GRM8: variants seen among roughly 807,000 people sequenced by gnomAD.
GRM8 encodes the protein metabotropic glutamate receptor 8.
In GRM8, 47 loss-of-function variants were observed where a neutral mutation model predicts 87.2. That is an observed-to-expected ratio of 0.54 (90% CI 0.43 to 0.69). The LOEUF is 0.69. Ranked by LOEUF, GRM8 falls within the 30% of genes least tolerant of loss-of-function variation. The pLI, the probability that GRM8 is intolerant of heterozygous loss-of-function variation, is 0.00. For missense variants in GRM8, 1,019 were observed against 1,139.2 expected (o/e 0.89, Z 1.52); for synonymous variants, 396 against 404.5 (o/e 0.98, Z 0.25).
At chr7:126,605,237 C>A (rs1261692895) in intron 8 of GRM8, among the ~76,000 whole-genome samples, 1 of 152,064 alleles carries the variant, frequency 6.6e-6, no homozygotes, top group Non-Finnish European at 1.5e-5. Flanking sequence ...TAATAAGGAC[C>A]ACCTGTCTCT....
chr7:126,958,229 C>T lies in GRM8; in HGVS notation c.728-53546G>A, dbSNP rs185478076. On this transcript the variant is annotated intron_variant, in intron 3 of 10. Transcript: ENST00000339582. ...TGTGGGACAAGAACTCAGGACCCAC[C>T]GAATGGTGGGACTGAAAGAGCTGTA... Among the ~76,000 whole-genome samples the T allele has an allele frequency of 2.6e-5, 4 of 152,198 alleles. No homozygotes were observed. In the East Asian group the frequency reaches 5.8e-4, roughly 22 times the overall value.
intron 9 of GRM8, among the ~76,000 whole-genome samples, chr7:126,495,935 G>A (rs544560749): frequency 2.6e-5 from 4 of 152,058 alleles, no homozygotes; most frequent in Admixed American, 6.6e-5. Context: ...GTAACTGTTG[G>A]TAGATTCAAA....
At chr7:126,561,317 A>T (rs1793669188) in intron 8 of GRM8, among the ~76,000 whole-genome samples, 1 of 152,094 alleles carries the variant, frequency 6.6e-6, no homozygotes, top group Admixed American at 6.6e-5. Context: ...CTAAAAATAT[A>T]AAAATTAGCC....
intron 3 of GRM8, among the ~76,000 whole-genome samples, chr7:127,066,844 A>T (rs1821163335): frequency 1.3e-5 from 2 of 151,858 alleles, no homozygotes; most frequent in South Asian, 2.1e-4. Context: ...TTTTTCTTCG[A>T]TTAGATGAAT....
At chr7:127,108,531 C>A (rs1194267209) in intron 2 of GRM8, among the ~76,000 whole-genome samples, 1 of 152,114 alleles carries the variant, frequency 6.6e-6, no homozygotes, top group Non-Finnish European at 1.5e-5. Context: ...GATACCGATA[C>A]TCCCACTTCC....
intron 2 of GRM8, among the ~76,000 whole-genome samples, chr7:127,195,647 C>T (rs1472536787): frequency 6.6e-6 from 1 of 152,110 alleles, no homozygotes; most frequent in African/African-American, 2.4e-5. Context: ...CCACCATTTT[C>T]CCAGGAACAC....
chr7:127,199,230 G>A (rs1036131397), intron 2 of GRM8, among the ~76,000 whole-genome samples: 16 of 152,294 alleles, frequency 1.1e-4, no homozygotes, highest in Admixed American at 9.8e-4. Context: ...CAAAGTGCAG[G>A]TGTTACAGGC....
chr7:126,934,804 A>G (rs1806127502), intron 3 of GRM8, among the ~76,000 whole-genome samples: 1 of 152,218 alleles, frequency 6.6e-6, no homozygotes, highest in South Asian at 2.1e-4. Flanking sequence ...TTTCTCAAAG[A>G]GGAATACTTT....
chr7:126,853,174 T>C (rs563645863), intron 6 of GRM8, among the ~76,000 whole-genome samples: 1 of 152,330 alleles, frequency 6.6e-6, no homozygotes, highest in South Asian at 2.1e-4. Flanking sequence ...GTGATGTTAC[T>C]TGACTGGCCT....
At chr7:126,584,472 T>A (rs1057494088) in intron 8 of GRM8, among the ~76,000 whole-genome samples, 41 of 152,194 alleles carry the variant, frequency 2.7e-4, no homozygotes, top group Admixed American at 2.7e-3. Context: ...GAGGTATGCC[T>A]ATAAATGTTT....
At chr7:126,629,354 A>T (rs1801017253) in intron 7 of GRM8, among the ~76,000 whole-genome samples, 1 of 152,160 alleles carries the variant, frequency 6.6e-6, no homozygotes, top group Non-Finnish European at 1.5e-5. Flanking sequence ...CACTTTGTAC[A>T]CTTTTTAAAG....
At chr7:126,573,779 T>A (rs896418577) in intron 8 of GRM8, among the ~76,000 whole-genome samples, 3 of 151,952 alleles carry the variant, frequency 2.0e-5, no homozygotes, top group Non-Finnish European at 4.4e-5. Context: ...AGAGACAGGG[T>A]TTCACCATGT....
intron 9 of GRM8, among the ~76,000 whole-genome samples, chr7:126,522,505 T>C (rs1004737205): frequency 2.0e-5 from 3 of 152,182 alleles, no homozygotes; most frequent in African/African-American, 4.8e-5. Flanking sequence ...CCTTGTTTTA[T>C]AGTAATCATA....
intron 9 of GRM8, among the ~76,000 whole-genome samples, chr7:126,482,476 AG>A: frequency 6.6e-6 from 1 of 152,138 alleles, no homozygotes; most frequent in South Asian, 2.1e-4. Flanking sequence ...AGCCTCAAAA[AG>A]GAAACTCTGA....
At chr7:126,686,814 G>T (rs1228058396) in intron 7 of GRM8, among the ~76,000 whole-genome samples, 2 of 152,158 alleles carry the variant, frequency 1.3e-5, no homozygotes, top group African/African-American at 4.8e-5. Flanking sequence ...TCAGGCAAAG[G>T]TGCCACCAGC....
At chr7:127,190,417 A>G (rs1237882183) in intron 2 of GRM8, among the ~76,000 whole-genome samples, 4 of 151,968 alleles carry the variant, frequency 2.6e-5, no homozygotes, top group Non-Finnish European at 5.9e-5. Flanking sequence ...GGTGGCACAC[A>G]CCTGTAGTCC....
intron 2 of GRM8, among the ~76,000 whole-genome samples, chr7:127,224,159 G>A (rs1468733933): frequency 6.6e-6 from 1 of 152,100 alleles, no homozygotes; most frequent in Non-Finnish European, 1.5e-5. Context: ...AGCATTTGAA[G>A]AAATAATGGC....
At chr7:126,845,927 AG>A (rs964803686) in intron 6 of GRM8, among the ~76,000 whole-genome samples, 7 of 151,922 alleles carry the variant, frequency 4.6e-5, no homozygotes, top group Non-Finnish European at 1.0e-4. Context: ...AAAAATGTGC[AG>A]GGGAGTGGGG....
intron 8 of GRM8, among the ~76,000 whole-genome samples, chr7:126,587,140 C>G (rs1028768924): frequency 2.0e-5 from 3 of 152,160 alleles, no homozygotes; most frequent in Non-Finnish European, 2.9e-5. Flanking sequence ...CCATCTCACA[C>G]CAGTTAGAAA....
Sources: gnomAD v4.1 joint callset for allele counts (sites outside exome capture counted in the v4.1 genomes callset) on GRCh38, gnomAD v4.1.1 for gene constraint, MANE v1.5 for transcripts, NCBI Gene and HGNC (gene_info 2026-07-23, HGNC 2026-07-21) for gene names.